The following ADAMTSL1 variants were observed in gnomAD, a reference collection of about 807,000 sequenced individuals.
The protein encoded by ADAMTSL1 is ADAMTS-like protein 1.
In ADAMTSL1, 126 loss-of-function variants were observed where a neutral mutation model predicts 201.8. That is an observed-to-expected ratio of 0.62 (90% confidence interval 0.54 to 0.72). The LOEUF (loss-of-function observed/expected upper bound fraction) is 0.72. Among genes scored for constraint, ADAMTSL1 ranks in the 30% least tolerant of loss-of-function variants. The pLI is 0.00. For missense variants in ADAMTSL1, 2,679 were observed against 2,277.8 expected (o/e 1.18, Z -3.59); for synonymous variants, 1,121 against 903.4 (o/e 1.24, Z -4.32).
intron 1 of ADAMTSL1, among the ~76,000 whole-genome samples, chr9:18,117,332 T>C (rs1474403118): frequency 1.3e-5 from 2 of 152,106 alleles, no homozygotes; most frequent in Non-Finnish European, 2.9e-5. Flanking sequence ...CATCTGGCCC[T>C]CGTTACTTTC....
chr9:18,284,386 AT>A (rs1242478724), intron 2 of ADAMTSL1, among the ~76,000 whole-genome samples: 2 of 151,986 alleles, frequency 1.3e-5, no homozygotes, highest in Non-Finnish European at 2.9e-5. Context: ...TAGCAGTTAA[AT>A]TTTTTCTACC....
chr9:18,583,701 C>T (rs548031283), intron 4 of ADAMTSL1, among the ~76,000 whole-genome samples: 1 of 152,246 alleles, frequency 6.6e-6, no homozygotes, highest in Admixed American at 6.5e-5. Flanking sequence ...CCCTGCAGAG[C>T]CACCAGGACG....
chr9:18,406,323 T>TCTTTC, intron 2 of ADAMTSL1, among the ~76,000 whole-genome samples: 14 of 149,132 alleles, frequency 9.4e-5, no homozygotes, highest in African/African-American at 2.5e-4. Context: ...TCTTTTCTTT[T>TCTTTC]CTTTTCTTTT....
At chr9:18,110,208 G>A (rs1824943932) in intron 1 of ADAMTSL1, among the ~76,000 whole-genome samples, 1 of 152,202 alleles carries the variant, frequency 6.6e-6, no homozygotes, top group African/African-American at 2.4e-5. Flanking sequence ...GCAGCCATTG[G>A]TTGGTCTCAA....
rs71492939 is a variant in ADAMTSL1, at chr9:18,368,066, A to ATT, written c.208-136751_208-136750dup. ...AGGCGCCCGCCACCACGCCAGGCTA[A>ATT]TTTTTTTTTTTTTAATTTTTTTTTA... On this transcript the variant is annotated intron_variant, in intron 2 of 29. Coordinates refer to the ADAMTSL1 transcript ENST00000680146. Among the ~76,000 whole-genome samples the ATT allele has an allele frequency of 6.3e-4, 91 of 145,416 alleles. 1 individual carries two copies. In the East Asian group the frequency reaches 0.012, roughly 19 times the overall value.
At chr9:18,809,935 G>A (rs1158544527) in intron 20 of ADAMTSL1, among the ~76,000 whole-genome samples, 2 of 152,210 alleles carry the variant, frequency 1.3e-5, no homozygotes, top group Admixed American at 1.3e-4. Context: ...TGTAGTGAGG[G>A]AAGAGTGAAA....
chr9:18,861,586 G>A (rs956865835), intron 23 of ADAMTSL1, among the ~76,000 whole-genome samples: 3 of 152,224 alleles, frequency 2.0e-5, no homozygotes, highest in Non-Finnish European at 4.4e-5. Flanking sequence ...TAGGTTGCAA[G>A]ACAAATAGCA....
intron 1 of ADAMTSL1, among the ~76,000 whole-genome samples, chr9:18,015,847 A>AAG (rs1820237644): frequency 6.6e-6 from 1 of 151,962 alleles, no homozygotes; most frequent in South Asian, 2.1e-4. Context: ...CAGTCTTTCT[A>AAG]AGAGCTCCTC....
chr9:18,395,409 C>T (rs1817714629), intron 2 of ADAMTSL1, among the ~76,000 whole-genome samples: 1 of 152,144 alleles, frequency 6.6e-6, no homozygotes, highest in African/African-American at 2.4e-5. Flanking sequence ...AATAAATGCA[C>T]ATGCTTTATT....
rs138744828 is a variant in ADAMTSL1, at chr9:18,225,927, T to C, written c.207+61946T>C. On this transcript the variant is annotated intron_variant, in intron 2 of 29. Transcript: ENST00000680146. ...GTATTTCAGTTTTTCTTATGTCTGATTAATTTTTTTCTGTGTAATTATTTG... is the reference window on the plus strand; with the variant it reads ...GTATTTCAGTTTTTCTTATGTCTGACTAATTTTTTTCTGTGTAATTATTTG... Among the ~76,000 whole-genome samples the C allele has an allele frequency of 5.4e-3, 825 of 152,270 alleles. 6 individuals carry two copies. Among genetic ancestry groups the C allele is most frequent in the African/African-American group, 0.018 (753 of 41,574 alleles).
intron 9 of ADAMTSL1, among the ~76,000 whole-genome samples, chr9:18,674,946 C>A (rs1830052598): frequency 6.6e-6 from 1 of 152,130 alleles, no homozygotes; most frequent in Admixed American, 6.5e-5. Context: ...TCTGCAGGGA[C>A]CCACCAGTCT....
At chr9:18,640,789 C>G (rs1216460746) in intron 7 of ADAMTSL1, among the ~76,000 whole-genome samples, 2 of 152,052 alleles carry the variant, frequency 1.3e-5, no homozygotes, top group African/African-American at 4.8e-5. Context: ...GGTTTTTCTC[C>G]TCCATCCTTG....
intron 2 of ADAMTSL1, among the ~76,000 whole-genome samples, chr9:18,183,268 A>C (rs1828581536): frequency 2.0e-5 from 3 of 152,200 alleles, no homozygotes; most frequent in Admixed American, 2.0e-4. Flanking sequence ...ACACAAAACT[A>C]AAAAATTCTT....
chr9:18,835,786 CT>C (rs1825274989), intron 23 of ADAMTSL1, among the ~76,000 whole-genome samples: 1 of 152,068 alleles, frequency 6.6e-6, no homozygotes, highest in Non-Finnish European at 1.5e-5. Context: ...CATTATCCTG[CT>C]TAGGATAATG....
rs142754382 is a variant in ADAMTSL1, at chr9:18,489,438, A to G, written c.63+15143A>G. On this transcript the variant is annotated intron_variant, in intron 1 of 28. Transcript: ENST00000380548. ...TCCGATCCTGTTACATAGCATGCAC[A>G]AAGAGATTCAGAAATCCTCCAGTTA... 9.5e-4 allele frequency among the ~76,000 whole-genome samples: 145 copies of G among 152,324 alleles called. 2 individuals carry two copies. The East Asian group carries it at 0.024, about 25-fold the overall frequency.
intron 4 of ADAMTSL1, among the ~76,000 whole-genome samples, chr9:18,580,577 C>T (rs535186830): frequency 6.6e-6 from 1 of 152,268 alleles, no homozygotes; most frequent in Admixed American, 6.5e-5. Context: ...CTACTACTTA[C>T]TAGTTGAATT....
intron 1 of ADAMTSL1, among the ~76,000 whole-genome samples, chr9:18,000,103 C>A (rs1048715274): frequency 2.7e-5 from 4 of 150,660 alleles, no homozygotes; most frequent in African/African-American, 9.8e-5. Flanking sequence ...GATTTATAGT[C>A]ATATGGGTAT....
At chr9:18,246,489 G>A (rs1484667736) in intron 2 of ADAMTSL1, among the ~76,000 whole-genome samples, 2 of 152,104 alleles carry the variant, frequency 1.3e-5, no homozygotes, top group Admixed American at 6.5e-5. Flanking sequence ...TGGTATCTAA[G>A]CAAGGATAAT....
chr9:18,159,535 C>A (rs1827298034), intron 1 of ADAMTSL1, among the ~76,000 whole-genome samples: 1 of 151,988 alleles, frequency 6.6e-6, no homozygotes, highest in South Asian at 2.1e-4. Flanking sequence ...CCATCATAAA[C>A]ATTACAATTT....
Sources: allele counts gnomAD v4.1 joint callset (sites outside exome capture counted in the v4.1 genomes callset), GRCh38; gene constraint gnomAD v4.1.1; transcripts MANE v1.5; gene names NCBI Gene and HGNC (gene_info 2026-07-23, HGNC 2026-07-21).